PRRT1B: variants seen among roughly 807,000 people sequenced by gnomAD.
PRRT1B encodes the protein dispanin subfamily D member 2.
chr9:131,552,304 C>G (rs894689327), intron 1 of PRRT1B, among the ~76,000 whole-genome samples: 1 of 152,198 alleles, frequency 6.6e-6, no homozygotes, highest in African/African-American at 2.4e-5. Flanking sequence ...GTGTGTTTAC[C>G]TTGACCTCAT....
chr9:131,545,893 A>C (rs941509062), intron 1 of PRRT1B, among the ~76,000 whole-genome samples: 2 of 151,180 alleles, frequency 1.3e-5, no homozygotes, highest in Non-Finnish European at 3.0e-5. Flanking sequence ...CATGTTCTGG[A>C]GGGTCAGGGA....
intron 1 of PRRT1B, among the ~76,000 whole-genome samples, chr9:131,547,103 G>C (rs1406414329): frequency 3.4e-5 from 4 of 116,546 alleles, no homozygotes; most frequent in African/African-American, 1.1e-4. Context: ...ACTGAGTCTC[G>C]TTCTATTGCC....
At chr9:131,555,139 CG>C (rs1951040652) in intron 2 of PRRT1B, 110 bp downstream of exon 2, 1 of 380,300 alleles carries the variant, frequency 2.6e-6, no homozygotes, top group Non-Finnish European at 4.7e-6. Flanking sequence ...CGGGCGAGTC[CG>C]GGAGGCTCCC....
intron 1 of PRRT1B, among the ~76,000 whole-genome samples, chr9:131,548,044 G>A (rs1231415995): frequency 6.6e-6 from 1 of 152,160 alleles, no homozygotes; most frequent in African/African-American, 2.4e-5. Flanking sequence ...TGATCTCCGT[G>A]GGGACGCCTG....
intron 1 of PRRT1B, among the ~76,000 whole-genome samples, chr9:131,547,505 C>T (rs908419628): frequency 6.6e-6 from 1 of 152,098 alleles, no homozygotes; most frequent in Non-Finnish European, 1.5e-5. Context: ...AACGGCCCCA[C>T]CCCATGTCCC....
intron 1 of PRRT1B, 95 bp downstream of exon 1, chr9:131,545,735 T>C (rs1950969573): frequency 2.7e-6 from 1 of 377,052 alleles, no homozygotes; most frequent in Admixed American, 4.9e-5. Context: ...GGGCAGGTAC[T>C]GGCGGGGCAG....
At chr9:131,558,893 A>C (rs567893556), downstream of PRRT1B, among the ~76,000 whole-genome samples, 2 of 152,290 alleles carry the variant, frequency 1.3e-5, no homozygotes, top group East Asian at 3.9e-4. Context: ...ATCTGTCCAC[A>C]GTTGGGCTCC....
At chr9:131,546,535 C>T (rs796571598) in intron 1 of PRRT1B, among the ~76,000 whole-genome samples, 1 of 151,886 alleles carries the variant, frequency 6.6e-6, no homozygotes, top group African/African-American at 2.4e-5. Context: ...CATCCCCCAG[C>T]GCGACTGATC....
chr9:131,547,496 A>G (rs574164721), intron 1 of PRRT1B, among the ~76,000 whole-genome samples: 2 of 152,004 alleles, frequency 1.3e-5, no homozygotes, highest in East Asian at 3.9e-4. Flanking sequence ...ATCCTATAAA[A>G]CGGCCCCACC....
intron 2 of PRRT1B, 143 bp downstream of exon 2, chr9:131,555,172 G>A (rs1445268712): frequency 5.3e-6 from 2 of 378,886 alleles, no homozygotes; most frequent in Admixed American, 4.5e-5. Context: ...GCATTTGAGC[G>A]GGGTTTTGGA....
chr9:131,552,978 G>C (rs1209993790), intron 1 of PRRT1B, among the ~76,000 whole-genome samples: 1 of 151,642 alleles, frequency 6.6e-6, no homozygotes, highest in Admixed American at 6.6e-5. Flanking sequence ...GAGCCATTGT[G>C]CCTGGCCATT....
rs1476800409 is a variant in PRRT1B, at chr9:131,556,791, C to T, written c.642+578C>T. 5.9e-5 allele frequency among the ~76,000 whole-genome samples: 9 copies of T among 152,154 alleles called. No homozygotes were observed. The East Asian group carries it at 1.7e-3, about 29-fold the overall frequency. On this transcript the variant is annotated intron_variant, in intron 3 of 3. Transcript: ENST00000636672. ...GGATTACAGACGCCCACCACCATGC[C>T]CAGCTAATTTTTTGTATTTTTAGTA... is the stretch of plus-strand genomic sequence containing the variant.
chr9:131,557,575 G>C (rs7024748), intron 3 of PRRT1B, among the ~76,000 whole-genome samples: 97,126 of 152,026 alleles, frequency 0.64, 31,167 homozygotes, highest in Middle Eastern at 0.69. Context: ...GGCTCTGGGG[G>C]GCCTATGCTC....
At chr9:131,552,033 C>T (rs1262919501) in intron 1 of PRRT1B, among the ~76,000 whole-genome samples, 2 of 152,144 alleles carry the variant, frequency 1.3e-5, no homozygotes, top group African/African-American at 4.8e-5. Context: ...CCTCAACTGA[C>T]CCACCCGCCT....
rs1159996336 is a variant in PRRT1B, at chr9:131,550,933, C to CTTTTTTTTTTTTTTTTTTTTTTTTTTT, written c.26-3619_26-3618insTTTTTTTTTTTTTTTTTTTTTTTTTTT. ...TCCGTTTAGTTTTTCTTTTTCTTTT[C>CTTTTTTTTTTTTTTTTTTTTTTTTTTT]TTTTTCTTTTTTTTTTTTTTTTTTT... On this transcript the variant is annotated intron_variant, in intron 1 of 3. Coordinates refer to ENST00000636672, the Ensembl canonical transcript of PRRT1B. 1.7e-5 allele frequency among the ~76,000 whole-genome samples: 2 copies of CTTTTTTTTTTTTTTTTTTTTTTTTTTT among 116,856 alleles called. 1 individual carries two copies. Among genetic ancestry groups the CTTTTTTTTTTTTTTTTTTTTTTTTTTT allele is most frequent in the Non-Finnish European group, 3.4e-5 (2 of 58,618 alleles). 76.7% of individuals were successfully genotyped at this position (116,856 alleles called of 152,430 possible).
At chr9:131,554,799 G>C in exon 2 of PRRT1B, 1 of 347,760 alleles carries the variant, frequency 2.9e-6, no homozygotes, top group Non-Finnish European at 5.2e-6. Flanking sequence ...GGTTTCCAAG[G>C]CGGCGGCCGG....
chr9:131,556,651 G>A (rs1588552194), intron 3 of PRRT1B, among the ~76,000 whole-genome samples: 1 of 146,870 alleles, frequency 6.8e-6, no homozygotes. Flanking sequence ...CTTTTTTTTT[G>A]ATACAGAGTC....
At position 131,551,623 on chromosome 9, in the gene PRRT1B, C is replaced by T. The variant is rs922432974; in HGVS notation, c.26-2934C>T. On this transcript the variant is annotated intron_variant, in intron 1 of 3. Transcript: ENST00000636672. This position sits in a 1 kb window ranked among gnomAD's most constrained non-coding sequence, Gnocchi z 4.4. ...GGTTCCTGCCTTAACTGATGACATT[C>T]CACCACAAAAGAAGTGAAAATGGCC... Among the ~76,000 whole-genome samples the T allele has an allele frequency of 3.3e-5, 5 of 151,678 alleles. No individual in the cohort carries two copies. The highest frequency in any genetic ancestry group is 7.4e-5 in the Non-Finnish European group (5 of 67,570).
exon 2 of PRRT1B, chr9:131,554,834 T>A: frequency 2.7e-6 from 1 of 368,544 alleles, no homozygotes; most frequent in Non-Finnish European, 4.8e-6. Flanking sequence ...TCGGCTTCGT[T>A]GGGGAGCCCC....
Sources: allele counts gnomAD v4.1 joint callset (sites outside exome capture counted in the v4.1 genomes callset), GRCh38; gene constraint gnomAD v4.1.1; non-coding constraint Gnocchi (gnomAD v3.1); transcripts MANE v1.5; gene names NCBI Gene and HGNC (gene_info 2026-07-23, HGNC 2026-07-21).